Variants in LRCH3 observed in about 807,000 individuals in gnomAD.
The protein encoded by LRCH3 is leucine rich repeats and calponin homology domain containing 3, also known as DISP complex protein LRCH3.
LRCH3 carries 68 observed loss-of-function variants against 104.5 expected under a neutral mutation model. The ratio of observed to expected loss-of-function variants is 0.65; its 90% CI spans 0.54 to 0.80. The LOEUF (loss-of-function observed/expected upper bound fraction) is 0.80, where lower values mean the gene tolerates loss of function less well. LRCH3 is among the 30% of genes least tolerant of loss of function. LRCH3 has a pLI of 0.00. For synonymous variants in LRCH3, 344 were observed against 361.3 expected, an observed-to-expected ratio of 0.95 and a Z score of 0.54; for missense variants, 951 against 953.9, an observed-to-expected ratio of 1.00 and a Z score of 0.04.
intron 19 of LRCH3, among the ~76,000 whole-genome samples, chr3:197,873,569 C>T (rs1248056419): frequency 6.6e-6 from 1 of 152,098 alleles, no homozygotes; most frequent in African/African-American, 2.4e-5. Context: ...ATAGTGAGAT[C>T]CCATCTCTAC....
intron 17 of LRCH3, 58 bp from the exon 18 acceptor site, chr3:197,870,102 G>C: frequency 6.4e-7 from 1 of 1,570,270 alleles, no homozygotes; most frequent in Non-Finnish European, 8.7e-7. Context: ...AGGCAGAGCC[G>C]GATGTTCTCC....
Position 197,854,322 on chromosome 3 carries a change from A to C in LRCH3, c.1591-70A>C. ...AATATGTCTCTTCCCTTGTGTGTGT[A>C]TTCGTGAAATACGTCACACGTGTGC... On this transcript the variant is annotated intron_variant, in intron 13 of 20. Transcript: ENST00000425562. The surrounding 1 kb of genome is among the most constrained non-coding windows in gnomAD (Gnocchi z 4.5). 1.3e-5 allele frequency: 17 copies of C among 1,285,702 alleles called. No homozygotes were observed. The highest frequency in any genetic ancestry group is 1.9e-5 in the Non-Finnish European group (17 of 880,358). The allele number at this position is 1,285,702 out of a possible 1,614,324, so 79.6% of individuals were successfully genotyped here.
At chr3:197,853,061 A>T (rs1045501049) in intron 13 of LRCH3, among the ~76,000 whole-genome samples, 40 of 152,088 alleles carry the variant, frequency 2.6e-4, no homozygotes, top group Non-Finnish European at 5.9e-5. Flanking sequence ...ACAGAAAATA[A>T]ATCACTTAAC....
At chr3:197,844,863 G>A (rs9811198) in intron 10 of LRCH3, among the ~76,000 whole-genome samples, 6,572 of 151,572 alleles carry the variant, frequency 0.043, 521 homozygotes, top group African/African-American at 0.15. Context: ...TTTGTGATCC[G>A]CCCGCCTCGG....
intron 18 of LRCH3, among the ~76,000 whole-genome samples, 168 bp from the exon 19 acceptor site, chr3:197,871,157 A>G (rs1712138371): frequency 6.6e-6 from 1 of 152,076 alleles, no homozygotes; most frequent in South Asian, 2.1e-4. Context: ...TGCCGTCCAT[A>G]TATATTAGAT....
intron 1 of LRCH3, among the ~76,000 whole-genome samples, chr3:197,792,201 G>A (rs552766779): frequency 6.6e-6 from 1 of 151,656 alleles, no homozygotes; most frequent in Non-Finnish European, 1.5e-5. Flanking sequence ...AAATAAATAC[G>A]CTTGTAAAAA....
rs1580792060 is a variant in LRCH3, at chr3:197,847,974, A to AT, written c.1484dup (p.Arg496LysfsTer35). 4 of 1,614,170 alleles carry AT rather than the reference A, an allele frequency of 2.5e-6. No homozygotes were observed. In the East Asian group the frequency reaches 8.9e-5, roughly 36 times the overall value. ...TGCCCTGCAGTATGAGGAGGAGAAA[A>AT]TAAGGACCAAGCAGATCCAGAGAGA... On this transcript the variant is annotated frameshift_variant, in exon 12 of 21. Transcript: ENST00000425562. LOFTEE classifies it high-confidence loss of function.
chr3:197,795,686 G>GTTTTTTTTTTT (rs1167369678), intron 1 of LRCH3, among the ~76,000 whole-genome samples: 1 of 65,804 alleles, frequency 1.5e-5, no homozygotes, highest in Admixed American at 2.3e-4. Flanking sequence ...AAAAGTTGTT[G>GTTTTTTTTTTT]TTTTTTTTTT....
intron 18 of LRCH3, among the ~76,000 whole-genome samples, chr3:197,871,030 A>G (rs902379884): frequency 6.6e-6 from 1 of 152,144 alleles, no homozygotes; most frequent in African/African-American, 2.4e-5. Flanking sequence ...TTACACATAT[A>G]TAGTGAGTGA....
chr3:197,817,027 C>G (rs543140321), intron 2 of LRCH3, 149 bp from the exon 3 acceptor site: 14 of 572,726 alleles, frequency 2.4e-5, no homozygotes, highest in Non-Finnish European at 3.8e-5. Flanking sequence ...AAGCTGACCA[C>G]CAGTAAAACG....
chr3:197,866,335 G>A (rs985195158), intron 17 of LRCH3, 116 bp downstream of exon 17: 40 of 689,224 alleles, frequency 5.8e-5, no homozygotes, highest in South Asian at 4.1e-4. Flanking sequence ...CTATCAGCTC[G>A]GCAAAAGCAT....
At chr3:197,839,718 A>G (rs28700928) in intron 10 of LRCH3, among the ~76,000 whole-genome samples, 10,503 of 152,136 alleles carry the variant, frequency 0.069, 1,229 homozygotes, top group African/African-American at 0.24. Flanking sequence ...AGTGGCTAAC[A>G]CTTGTAATCC....
intron 5 of LRCH3, among the ~76,000 whole-genome samples, chr3:197,827,945 T>A (rs1453696577): frequency 6.6e-6 from 1 of 151,666 alleles, no homozygotes; most frequent in Non-Finnish European, 1.5e-5. Context: ...GGTGCGGTGG[T>A]GGGCGCCTGT....
At chr3:197,875,569 AC>A in intron 19 of LRCH3, 128 bp from the exon 20 acceptor site, 1 of 624,248 alleles carries the variant, frequency 1.6e-6, no homozygotes, top group Admixed American at 2.9e-5. Flanking sequence ...TGGGAGGATC[AC>A]CTGAGCCTGG....
chr3:197,850,458 T>C, intron 12 of LRCH3: 1 of 1,586,872 alleles, frequency 6.3e-7, no homozygotes, highest in Non-Finnish European at 8.5e-7. Context: ...CTTTTTCTTC[T>C]GGGCAACCTC....
chr3:197,868,864 C>A (rs951217380), intron 17 of LRCH3, among the ~76,000 whole-genome samples: 2 of 152,164 alleles, frequency 1.3e-5, no homozygotes, highest in African/African-American at 4.8e-5. Context: ...ATGGAAGGGG[C>A]TCCTGGGATT....
At chr3:197,834,960 A>T (rs1365080737) in intron 8 of LRCH3, among the ~76,000 whole-genome samples, 3 of 152,066 alleles carry the variant, frequency 2.0e-5, no homozygotes, top group Non-Finnish European at 4.4e-5. Flanking sequence ...CCTGGCCAAC[A>T]TGGTGAAACC....
chr3:197,858,919 T>C lies in LRCH3; in HGVS notation c.1716+14T>C, dbSNP rs200450451. 183 of 1,608,622 alleles carry C rather than the reference T, an allele frequency of 1.1e-4. 1 individual carries two copies. Among genetic ancestry groups the C allele is most frequent in the Non-Finnish European group, 1.4e-4 (170 of 1,175,098 alleles). On this transcript the variant is annotated intron_variant, in intron 15 of 20. Transcript: ENST00000425562. ...ACGCCTCTTAAGGTATCTCTTGTTATTGTAATTCACCAGGAAGTTTGGGGA... is the reference window on the plus strand; with the variant it reads ...ACGCCTCTTAAGGTATCTCTTGTTACTGTAATTCACCAGGAAGTTTGGGGA...
intron 15 of LRCH3, 147 bp from the exon 16 acceptor site, chr3:197,865,276 C>T: frequency 1.9e-6 from 1 of 534,734 alleles, no homozygotes; most frequent in Non-Finnish European, 3.3e-6. Context: ...GCATGAGCCA[C>T]TGCACCTGAC....
Sources: gnomAD v4.1 joint callset for allele counts (sites outside exome capture counted in the v4.1 genomes callset) on GRCh38, gnomAD v4.1.1 for gene constraint, Gnocchi (gnomAD v3.1) non-coding constraint, MANE v1.5 for transcripts, NCBI Gene and HGNC (gene_info 2026-07-23, HGNC 2026-07-21) for gene names.